Variants in EEF2K observed in about 807,000 individuals in gnomAD.
The protein encoded by EEF2K is alternative protein EEF2K.
A neutral mutation model predicts 93.8 loss-of-function variants in EEF2K; 70 were observed. The ratio of observed to expected loss-of-function variants is 0.75; its 90% CI spans 0.62 to 0.91. The LOEUF (loss-of-function observed/expected upper bound fraction) is 0.91. Among genes scored for constraint, EEF2K ranks in the 40% least tolerant of loss-of-function variants. EEF2K has a pLI of 0.00. For synonymous variants in EEF2K, 376 were observed against 380.8 expected, an observed-to-expected ratio of 0.99 and a Z score of 0.15; for missense variants, 935 against 972.9, an observed-to-expected ratio of 0.96 and a Z score of 0.52.
chr16:22,258,459 G>A lies in EEF2K; in HGVS notation c.1030-35G>A, dbSNP rs375505959. ...GAGCCCTTTAATTCCCAGAGGGTGTGTGCGTGACATGAGTATCCCTATTAA... is the reference window on the plus strand; with the variant it reads ...GAGCCCTTTAATTCCCAGAGGGTGTATGCGTGACATGAGTATCCCTATTAA... On this transcript the variant is annotated intron_variant, in intron 9 of 17. Transcript: ENST00000263026. The A allele has an allele frequency of 1.4e-5, 23 of 1,607,836 alleles. No homozygotes were observed. The African/African-American group carries it at 2.8e-4, about 20-fold the overall frequency.
At position 22,263,122 on chromosome 16, in the gene EEF2K, A is replaced by G. The variant is rs1488450415; in HGVS notation, c.1312A>G (p.Ser438Gly). The G allele has an allele frequency of 9.9e-6, 16 of 1,612,000 alleles. No individual in the cohort carries two copies. In the East Asian group the frequency reaches 3.6e-4, roughly 36 times the overall value. The change falls in exon 12 of 18, where the codon AGT becomes GGT. Residue 438 changes from serine to glycine, a missense_variant. Coordinates refer to ENST00000263026, the MANE Select transcript of EEF2K (RefSeq NM_013302.5). ...HLDNHRESENSGDSGYPSEKR... is the reference protein window; with the variant it reads ...HLDNHRESENGGDSGYPSEKR... ...CTTCTCTCCACAGGAGTCTGAGAATAGTGGGGACAGCGGATACCCCAGTGA... is the reference window on the plus strand; with the variant it reads ...CTTCTCTCCACAGGAGTCTGAGAATGGTGGGGACAGCGGATACCCCAGTGA...
intron 2 of EEF2K, among the ~76,000 whole-genome samples, chr16:22,231,526 G>A (rs898623060): frequency 6.6e-6 from 1 of 152,112 alleles, no homozygotes; most frequent in African/African-American, 2.4e-5. Flanking sequence ...CTCTCTATGG[G>A]AGAGGTACCA....
At chr16:22,243,298 C>T (rs974567790) in intron 2 of EEF2K, among the ~76,000 whole-genome samples, 3 of 143,740 alleles carry the variant, frequency 2.1e-5, no homozygotes, top group African/African-American at 7.8e-5. Context: ...GTCACTCAGG[C>T]TGGAGTGCAA....
At chr16:22,214,150 C>T (rs2046939027) in intron 1 of EEF2K, among the ~76,000 whole-genome samples, 1 of 152,140 alleles carries the variant, frequency 6.6e-6, no homozygotes, top group African/African-American at 2.4e-5. Flanking sequence ...AGAGTCAAGT[C>T]TATCCCAGAC....
intron 3 of EEF2K, among the ~76,000 whole-genome samples, chr16:22,246,048 G>A (rs939001036): frequency 1.3e-5 from 2 of 152,128 alleles, no homozygotes; most frequent in Admixed American, 6.5e-5. Context: ...CTACAAGACC[G>A]TCCCCGACTT....
chr16:22,244,305 G>GTA (rs1174001321), intron 2 of EEF2K, among the ~76,000 whole-genome samples: 1 of 145,026 alleles, frequency 6.9e-6, no homozygotes, highest in Non-Finnish European at 1.5e-5. Context: ...GTGTGTGTGT[G>GTA]TGTGTATATC....
chr16:22,256,807 C>T lies in EEF2K; in HGVS notation c.678C>T (p.Phe226=). 6.2e-7 allele frequency: 1 copy of T among 1,614,198 alleles called. No individual in the cohort carries two copies. Among genetic ancestry groups the T allele is most frequent in the Non-Finnish European group, 8.5e-7 (1 of 1,180,044 alleles). Residue 226 remains phenylalanine, a synonymous_variant, in exon 7 of 18, where the codon TTC becomes TTT. Transcript: ENST00000263026. Reference sequence around the variant, plus strand: ...AGGACAGACCGGGCAAGCCCCTCTTCCACCTGGAGCACTACATCGAGGGCA... The same window carrying T: ...AGGACAGACCGGGCAAGCCCCTCTTTCACCTGGAGCACTACATCGAGGGCA... ...ELKDRPGKPL[F]HLEHYIEGKY...
intron 15 of EEF2K, among the ~76,000 whole-genome samples, chr16:22,268,569 C>G (rs538330949): frequency 1.5e-4 from 23 of 152,072 alleles, no homozygotes; most frequent in Admixed American, 1.0e-3. Flanking sequence ...TGGGTTCAAG[C>G]GATCCTCCTG....
chr16:22,238,896 C>T (rs2047194790), intron 2 of EEF2K, among the ~76,000 whole-genome samples: 1 of 152,020 alleles, frequency 6.6e-6, no homozygotes, highest in Non-Finnish European at 1.5e-5. Context: ...ACTGCCACCC[C>T]AGTGAGCCAC....
chr16:22,208,140 T>C (rs1184264568), intron 1 of EEF2K, among the ~76,000 whole-genome samples: 1 of 152,212 alleles, frequency 6.6e-6, no homozygotes, highest in African/African-American at 2.4e-5. Flanking sequence ...CCGAAGTTCT[T>C]ATCCTCTGCA....
intron 2 of EEF2K, among the ~76,000 whole-genome samples, chr16:22,243,171 G>C (rs1443075010): frequency 6.6e-6 from 1 of 151,874 alleles, no homozygotes; most frequent in Admixed American, 6.6e-5. Context: ...GTAAAATGGG[G>C]TGTTATATAA....
chr16:22,209,723 G>A (rs1319652015), intron 1 of EEF2K, among the ~76,000 whole-genome samples: 1 of 152,242 alleles, frequency 6.6e-6, no homozygotes, highest in East Asian at 1.9e-4. Flanking sequence ...GATGAAAGCG[G>A]CTTGGGCCTT....
chr16:22,215,194 G>GT (rs1489136070), intron 1 of EEF2K, among the ~76,000 whole-genome samples: 2 of 152,188 alleles, frequency 1.3e-5, no homozygotes, highest in Non-Finnish European at 2.9e-5. Context: ...TGCCACGCAG[G>GT]TAAGTTGGGG....
intron 1 of EEF2K, among the ~76,000 whole-genome samples, chr16:22,225,100 AATG>A (rs1411983853): frequency 7.9e-5 from 12 of 152,192 alleles, no homozygotes; most frequent in African/African-American, 2.9e-4. Flanking sequence ...CTGTGAGCTC[AATG>A]ATGAGAAAGA....
At chr16:22,221,366 C>G (rs2047009839) in intron 1 of EEF2K, among the ~76,000 whole-genome samples, 1 of 151,974 alleles carries the variant, frequency 6.6e-6, no homozygotes, top group African/African-American at 2.4e-5. Context: ...ATGGACTGCT[C>G]TGGAGGCTGA....
chr16:22,236,339 CT>C (rs11353273), intron 2 of EEF2K, among the ~76,000 whole-genome samples: 38,693 of 136,932 alleles, frequency 0.28, 5,527 homozygotes, highest in East Asian at 0.54. Context: ...AGTTGTATTT[CT>C]TTTTTTTTTT....
chr16:22,215,037 G>T (rs1464770524), intron 1 of EEF2K, among the ~76,000 whole-genome samples: 1 of 152,164 alleles, frequency 6.6e-6, no homozygotes, highest in Non-Finnish European at 1.5e-5. Flanking sequence ...AATGGCCTGG[G>T]ATCAGTCTGA....
chr16:22,232,334 C>T (rs1050277077), intron 2 of EEF2K, among the ~76,000 whole-genome samples: 6 of 152,100 alleles, frequency 3.9e-5, no homozygotes, highest in Non-Finnish European at 8.8e-5. Context: ...TTGAGCGATC[C>T]TCCCACCTCA....
At chr16:22,279,268 T>C (rs750716278) in intron 16 of EEF2K, among the ~76,000 whole-genome samples, 4 of 149,492 alleles carry the variant, frequency 2.7e-5, no homozygotes, top group Admixed American at 1.3e-4. Context: ...CACAGGGTTA[T>C]ACTCTATTGC....
Sources: gnomAD v4.1 joint callset for allele counts (sites outside exome capture counted in the v4.1 genomes callset) on GRCh38, gnomAD v4.1.1 for gene constraint, MANE v1.5 for transcripts, NCBI Gene and HGNC (gene_info 2026-07-23, HGNC 2026-07-21) for gene names.